CNTNAP2: variants seen among roughly 807,000 people sequenced by gnomAD.
CNTNAP2 encodes the protein contactin associated protein 2.
A neutral mutation model predicts 155.2 loss-of-function variants in CNTNAP2; 98 were observed. That is an observed-to-expected ratio of 0.63 (90% confidence interval 0.54 to 0.75). CNTNAP2 has a LOEUF of 0.75. Ranked by LOEUF, CNTNAP2 falls within the 30% of genes least tolerant of loss-of-function variation. The pLI, the probability that CNTNAP2 is intolerant of heterozygous loss-of-function variation, is 0.00. For synonymous variants in CNTNAP2, 651 were observed against 631.2 expected, an observed-to-expected ratio of 1.03 and a Z score of -0.47; for missense variants, 1,727 against 1,688.1, an observed-to-expected ratio of 1.02 and a Z score of -0.40.
intron 1 of CNTNAP2, among the ~76,000 whole-genome samples, chr7:146,701,792 C>A (rs1221652038): frequency 6.6e-6 from 1 of 152,038 alleles, no homozygotes; most frequent in Non-Finnish European, 1.5e-5. Flanking sequence ...AAGCCCTTCT[C>A]AAAATATTCT....
chr7:147,802,424 C>T (rs1329643565), intron 13 of CNTNAP2, among the ~76,000 whole-genome samples: 5 of 152,080 alleles, frequency 3.3e-5, no homozygotes, highest in African/African-American at 9.7e-5. Flanking sequence ...CCAAGGCAGG[C>T]GGCTGGGAGG....
At chr7:146,629,032 A>G (rs942542646) in intron 1 of CNTNAP2, among the ~76,000 whole-genome samples, 4 of 152,170 alleles carry the variant, frequency 2.6e-5, no homozygotes, top group African/African-American at 9.6e-5. Flanking sequence ...TTTATTTATG[A>G]TAATGGTTGA....
At chr7:146,366,963 A>T (rs1046456156) in intron 1 of CNTNAP2, among the ~76,000 whole-genome samples, 1 of 152,146 alleles carries the variant, frequency 6.6e-6, no homozygotes, top group African/African-American at 2.4e-5. Context: ...AGTTTTCTCA[A>T]TCATATCTTT....
At chr7:147,736,739 C>G (rs184512806) in intron 13 of CNTNAP2, among the ~76,000 whole-genome samples, 18 of 152,270 alleles carry the variant, frequency 1.2e-4, no homozygotes, top group Admixed American at 5.2e-4. Context: ...TCTTTTTTCT[C>G]TAAACTTCTC....
At chr7:148,080,961 G>C (rs963549063) in intron 15 of CNTNAP2, among the ~76,000 whole-genome samples, 1 of 152,248 alleles carries the variant, frequency 6.6e-6, no homozygotes, top group Non-Finnish European at 1.5e-5. Context: ...AGACGGGGAG[G>C]AAAGAATAAA....
At chr7:146,727,790 C>T (rs536445643) in intron 1 of CNTNAP2, among the ~76,000 whole-genome samples, 1 of 152,260 alleles carries the variant, frequency 6.6e-6, no homozygotes, top group African/African-American at 2.4e-5. Context: ...ATTTTATTCG[C>T]TCTGTAAATA....
chr7:146,473,197 G>T (rs1174266215), intron 1 of CNTNAP2, among the ~76,000 whole-genome samples: 6 of 151,956 alleles, frequency 3.9e-5, no homozygotes, highest in Non-Finnish European at 8.8e-5. Flanking sequence ...GAAAGAAAAG[G>T]CTTCAACTCC....
At chr7:148,147,758 G>C in intron 17 of CNTNAP2, 49 bp downstream of exon 17, 1 of 1,518,224 alleles carries the variant, frequency 6.6e-7, no homozygotes, top group Non-Finnish European at 9.0e-7. Context: ...ATTTTTAAGA[G>C]CCTGCACAAT....
Position 146,234,233 on chromosome 7 carries a change from C to T in CNTNAP2, c.97+117260C>T, listed in dbSNP as rs915610830. Among the ~76,000 whole-genome samples, 866 of 152,170 alleles carry T rather than the reference C, an allele frequency of 5.7e-3. 6 individuals are homozygous for T. Among genetic ancestry groups the T allele is most frequent in the African/African-American group, 0.014 (578 of 41,514 alleles). ...GATGGCCAGTGATGGTGAGCATTTTCTCATGTGTTTTTTGGCTGCATAAAT... is the reference window on the plus strand; with the variant it reads ...GATGGCCAGTGATGGTGAGCATTTTTTCATGTGTTTTTTGGCTGCATAAAT... On this transcript the variant is annotated intron_variant, in intron 1 of 23. Transcript: ENST00000361727.
At chr7:146,766,212 G>T (rs1219163860) in intron 1 of CNTNAP2, among the ~76,000 whole-genome samples, 1 of 152,138 alleles carries the variant, frequency 6.6e-6, no homozygotes, top group Non-Finnish European at 1.5e-5. Context: ...ATGAAATAAA[G>T]TTGATGTCTT....
chr7:147,414,959 A>AG (rs1377434747), intron 10 of CNTNAP2, among the ~76,000 whole-genome samples: 2 of 150,476 alleles, frequency 1.3e-5, no homozygotes, highest in African/African-American at 4.9e-5. Flanking sequence ...AAAAAAAAAA[A>AG]AAAAGAAAAG....
At chr7:146,185,226 A>G (rs1584792003) in intron 1 of CNTNAP2, among the ~76,000 whole-genome samples, 1 of 152,172 alleles carries the variant, frequency 6.6e-6, no homozygotes, top group Non-Finnish European at 1.5e-5. Flanking sequence ...AAGATTAAAA[A>G]ACACAATTGA....
intron 20 of CNTNAP2, among the ~76,000 whole-genome samples, chr7:148,252,090 G>T (rs555171337): frequency 5.9e-5 from 9 of 152,294 alleles, no homozygotes; most frequent in African/African-American, 2.2e-4. Flanking sequence ...AGGTTAGCAG[G>T]CCCTGTGGTT....
chr7:147,002,041 T>C (rs1798434603), intron 3 of CNTNAP2, among the ~76,000 whole-genome samples: 1 of 151,164 alleles, frequency 6.6e-6, no homozygotes, highest in African/African-American at 2.4e-5. Flanking sequence ...ATCCATTAAG[T>C]AAAACAACAT....
chr7:147,099,552 A>C, intron 4 of CNTNAP2, among the ~76,000 whole-genome samples: 1 of 152,186 alleles, frequency 6.6e-6, no homozygotes, highest in Admixed American at 6.5e-5. Flanking sequence ...ATAAATTACT[A>C]TGAAAAGAGT....
chr7:146,172,804 A>G (rs1346852204), intron 1 of CNTNAP2, among the ~76,000 whole-genome samples: 1 of 152,146 alleles, frequency 6.6e-6, no homozygotes, highest in East Asian at 1.9e-4. Context: ...TTTTCAACGC[A>G]TTTTGTTTGG....
intron 3 of CNTNAP2, among the ~76,000 whole-genome samples, chr7:146,877,115 TCAAG>T (rs1208917485): frequency 6.6e-6 from 1 of 152,048 alleles, no homozygotes; most frequent in Non-Finnish European, 1.5e-5. Flanking sequence ...GACATAAATA[TCAAG>T]CAAGAAATAA....
intron 8 of CNTNAP2, among the ~76,000 whole-genome samples, chr7:147,249,646 ATC>A (rs548374628): frequency 6.8e-6 from 1 of 146,582 alleles, no homozygotes; most frequent in East Asian, 2.0e-4. Context: ...CCAATCTTCA[ATC>A]TCTCTCTCAC....
chr7:147,985,407 C>CTTTTTTTT (rs34093586), intron 15 of CNTNAP2, among the ~76,000 whole-genome samples: 1 of 108,066 alleles, frequency 9.3e-6, no homozygotes, highest in Non-Finnish European at 1.7e-5. Flanking sequence ...TATGTTTTTA[C>CTTTTTTTT]TTTTTTTTTT....
Sources: gnomAD v4.1 joint callset for allele counts (sites outside exome capture counted in the v4.1 genomes callset) on GRCh38, gnomAD v4.1.1 for gene constraint, MANE v1.5 for transcripts, NCBI Gene and HGNC (gene_info 2026-07-23, HGNC 2026-07-21) for gene names.